Variants in CYP39A1 observed in about 807,000 individuals in gnomAD.
The protein encoded by CYP39A1 is 24-hydroxycholesterol 7-alpha-hydroxylase.
CYP39A1 carries 49 observed loss-of-function variants against 58.1 expected under a neutral mutation model. That is an observed-to-expected ratio of 0.84 (90% CI 0.67 to 1.07). The LOEUF (loss-of-function observed/expected upper bound fraction) is 1.07. Among genes scored for constraint, CYP39A1 ranks in the 50% least tolerant of loss-of-function variants. The probability of loss-of-function intolerance (pLI) is 0.00; values close to 1 mark genes in which losing one functional copy is unlikely to be tolerated. For missense variants in CYP39A1, 531 were observed against 539.4 expected (o/e 0.98, Z 0.16); for synonymous variants, 209 against 187.6 (o/e 1.11, Z -0.93).
chr6:46,573,339 G>C lies in CYP39A1; in HGVS notation c.1250+13738C>G, dbSNP rs150006886. Among the ~76,000 whole-genome samples the C allele has an allele frequency of 2.8e-4, 43 of 152,256 alleles. No homozygotes were observed. In the East Asian group the frequency reaches 7.5e-3, roughly 27 times the overall value. On this transcript the variant is annotated intron_variant, in intron 10 of 11. Coordinates refer to ENST00000275016, the MANE Select transcript of CYP39A1 (RefSeq NM_016593.5). ...TTTGTGGGTGAGTGCTATGCTAAGTGAACAGGATGTGGTGGCATAGTCTGT... is the reference window on the plus strand; with the variant it reads ...TTTGTGGGTGAGTGCTATGCTAAGTCAACAGGATGTGGTGGCATAGTCTGT...
In CYP39A1 at chr6:46,587,029, T is replaced by C. The variant is rs779589779; in HGVS notation, c.1250+48A>G. On this transcript the variant is annotated intron_variant, in intron 10 of 11. Transcript: ENST00000275016. ...AAAGTTGTTCCCCTCTGAGCCATCA[T>C]CTTTCTGCAGACTTTCTGGATAAAT... 9 of 1,369,282 alleles carry C rather than the reference T, an allele frequency of 6.6e-6. No individual in the cohort carries two copies. In the South Asian group the frequency reaches 9.7e-5, roughly 15 times the overall value. 84.8% of individuals were successfully genotyped at this position (1,369,282 alleles called of 1,614,324 possible). A position where few individuals can be genotyped will look rare whatever the true frequency, so the allele number is the denominator to read the frequency against.
chr6:46,585,613 T>C (rs1772430030), intron 10 of CYP39A1, among the ~76,000 whole-genome samples: 1 of 152,120 alleles, frequency 6.6e-6, no homozygotes, highest in Admixed American at 6.6e-5. Context: ...AATTATAATG[T>C]TCAGCTTTGG....
intron 11 of CYP39A1, among the ~76,000 whole-genome samples, 182 bp from the exon 12 acceptor site, chr6:46,550,619 A>AAG (rs1770342156): frequency 6.6e-6 from 1 of 152,242 alleles, no homozygotes; most frequent in South Asian, 2.1e-4. Context: ...CCATTCAGGC[A>AAG]GAAGAAAAAG....
At chr6:46,643,301 A>AT (rs1423281761) in intron 1 of CYP39A1, among the ~76,000 whole-genome samples, 1 of 152,236 alleles carries the variant, frequency 6.6e-6, no homozygotes, top group Non-Finnish European at 1.5e-5. Context: ...AGCATTATAC[A>AT]TATCTCAAGG....
At chr6:46,553,640 A>T in intron 11 of CYP39A1, 127 bp downstream of exon 11, 1 of 685,546 alleles carries the variant, frequency 1.5e-6, no homozygotes, top group Non-Finnish European at 2.6e-6. Context: ...AATCTAAGGC[A>T]CCTGTTAAGA....
intron 1 of CYP39A1, among the ~76,000 whole-genome samples, chr6:46,642,921 C>T (rs1235952028): frequency 6.6e-6 from 1 of 152,188 alleles, no homozygotes; most frequent in East Asian, 1.9e-4. Flanking sequence ...TACATTTGCA[C>T]CCATTCTCCA....
At chr6:46,648,339 A>G (rs559610551) in intron 1 of CYP39A1, among the ~76,000 whole-genome samples, 10 of 152,252 alleles carry the variant, frequency 6.6e-5, no homozygotes, top group African/African-American at 2.2e-4. Flanking sequence ...GCCATAAAAA[A>G]GGATGAGTTC....
intron 8 of CYP39A1, among the ~76,000 whole-genome samples, chr6:46,594,974 C>G (rs1773059113): frequency 6.6e-6 from 1 of 151,010 alleles, no homozygotes; most frequent in Non-Finnish European, 1.5e-5. Context: ...AAAACAAAAA[C>G]AAAAAAAATG....
At chr6:46,636,962 T>C (rs1582453356) in intron 4 of CYP39A1, among the ~76,000 whole-genome samples, 3 of 152,238 alleles carry the variant, frequency 2.0e-5, no homozygotes. Flanking sequence ...GTTGAAATCC[T>C]AACCCCCAAG....
rs372476059 is a variant in CYP39A1 at position 46,563,702 on chromosome 6, A to G, written c.1251-9848T>C. Among the ~76,000 whole-genome samples the G allele has an allele frequency of 4.6e-5, 7 of 152,186 alleles. No individual in the cohort carries two copies. The East Asian group carries it at 1.2e-3, about 25-fold the overall frequency. ...TATATGGAGGTGAAACTTGAGCTAC[A>G]CCATGAGGGCAAAAGAACCTTTAAA... On this transcript the variant is annotated intron_variant, in intron 10 of 11. Transcript: ENST00000275016.
At chr6:46,633,671 A>C (rs1310879209) in intron 5 of CYP39A1, among the ~76,000 whole-genome samples, 1 of 152,168 alleles carries the variant, frequency 6.6e-6, no homozygotes, top group Non-Finnish European at 1.5e-5. Flanking sequence ...AGCCTGACCA[A>C]TATGGTGAAA....
chr6:46,610,633 C>G (rs755516465), intron 7 of CYP39A1, among the ~76,000 whole-genome samples: 9 of 152,122 alleles, frequency 5.9e-5, no homozygotes, highest in Non-Finnish European at 1.0e-4. Flanking sequence ...GTGTGAGCCA[C>G]GGCACCTGGT....
At chr6:46,588,224 G>T (rs1459213073) in intron 8 of CYP39A1, 95 bp from the exon 9 acceptor site, 20 of 539,982 alleles carry the variant, frequency 3.7e-5, no homozygotes, top group Non-Finnish European at 6.1e-5. Context: ...ATATTGTGGT[G>T]AAGATATACC....
Position 46,595,923 on chromosome 6 carries a change from T to C in CYP39A1, c.1065+64A>G, listed in dbSNP as rs145726716. On this transcript the variant is annotated intron_variant, in intron 8 of 11. Coordinates refer to ENST00000275016, the MANE Select transcript of CYP39A1 (RefSeq NM_016593.5). ...AAGATATGTCAACCTGAAAAATATA[T>C]GTGGGCAAAATGTGTACTTTTTTTG... is the stretch of plus-strand genomic sequence containing the variant. The C allele has an allele frequency of 2.5e-4, 374 of 1,486,228 alleles. 2 individuals carry two copies. In the African/African-American group the frequency reaches 4.9e-3, roughly 19 times the overall value. The allele number at this position is 1,486,228 out of a possible 1,614,324, so 92.1% of individuals were successfully genotyped here. A position where few individuals can be genotyped will look rare whatever the true frequency, so the allele number is the denominator to read the frequency against.
intron 7 of CYP39A1, among the ~76,000 whole-genome samples, chr6:46,599,323 A>G (rs1402392329): frequency 6.6e-6 from 1 of 152,138 alleles, no homozygotes; most frequent in African/African-American, 2.4e-5. Context: ...CGGGGGAGGG[A>G]GGTGTCAGAG....
At chr6:46,598,659 CA>C (rs1773314211) in intron 7 of CYP39A1, among the ~76,000 whole-genome samples, 7 of 151,980 alleles carry the variant, frequency 4.6e-5, no homozygotes, top group Admixed American at 4.6e-4. Flanking sequence ...ATTGCTAAAT[CA>C]AATAGACAAA....
At chr6:46,609,434 A>G (rs1270040011) in intron 7 of CYP39A1, among the ~76,000 whole-genome samples, 1 of 152,096 alleles carries the variant, frequency 6.6e-6, no homozygotes, top group Non-Finnish European at 1.5e-5. Context: ...AAAAAAGAAA[A>G]AAAAGAAATT....
At chr6:46,589,229 G>A (rs1009996917) in intron 8 of CYP39A1, among the ~76,000 whole-genome samples, 2 of 152,084 alleles carry the variant, frequency 1.3e-5, no homozygotes, top group Non-Finnish European at 2.9e-5. Context: ...TTGGTCGGAG[G>A]ATCCTTTGAG....
At chr6:46,553,278 AAT>A (rs1265491436) in intron 11 of CYP39A1, among the ~76,000 whole-genome samples, 2 of 152,126 alleles carry the variant, frequency 1.3e-5, no homozygotes, top group Non-Finnish European at 2.9e-5. Context: ...CTGAATATTC[AAT>A]AGTTTGAGGT....
Sources: allele counts gnomAD v4.1 joint callset (sites outside exome capture counted in the v4.1 genomes callset), GRCh38; gene constraint gnomAD v4.1.1; transcripts MANE v1.5; gene names NCBI Gene and HGNC (gene_info 2026-07-23, HGNC 2026-07-21).